CLOCK: variants seen among roughly 807,000 people sequenced by gnomAD.
CLOCK encodes the protein clock circadian regulator.
In CLOCK, 43 loss-of-function variants were observed where a neutral mutation model predicts 118.4. That is an observed-to-expected ratio of 0.36 (90% CI 0.28 to 0.47). CLOCK has a LOEUF of 0.47. CLOCK is among the 20% of genes least tolerant of loss of function. The pLI, the probability that CLOCK is intolerant of heterozygous loss-of-function variation, is 1.00. For synonymous variants in CLOCK, 326 were observed against 339.2 expected, an observed-to-expected ratio of 0.96 and a Z score of 0.43; for missense variants, 846 against 999.9, an observed-to-expected ratio of 0.85 and a Z score of 2.08.
chr4:55,485,779 CT>C (rs1450512954), intron 3 of CLOCK, among the ~76,000 whole-genome samples: 2 of 152,110 alleles, frequency 1.3e-5, no homozygotes, highest in Admixed American at 6.5e-5. Context: ...AGGATAAATG[CT>C]TGAGGGGATG....
At chr4:55,542,352 A>C (rs1731321508) in intron 1 of CLOCK, among the ~76,000 whole-genome samples, 1 of 101,154 alleles carries the variant, frequency 9.9e-6, no homozygotes. Context: ...TCAAATAATA[A>C]TAATAATAAT....
intron 15 of CLOCK, chr4:55,452,684 G>A (rs908388193): frequency 3.6e-5 from 7 of 196,510 alleles, no homozygotes; most frequent in African/African-American, 1.2e-4. Flanking sequence ...CTTTAGGGAA[G>A]ATTTTTTTTT....
chr4:55,495,898 CA>C (rs68044493), intron 2 of CLOCK, among the ~76,000 whole-genome samples: 51,304 of 151,744 alleles, frequency 0.34, 9,367 homozygotes, highest in East Asian at 0.58. Flanking sequence ...TTTAAAAAAA[CA>C]AAAAAACTGC....
intron 8 of CLOCK, among the ~76,000 whole-genome samples, chr4:55,465,522 A>G (rs1725676635): frequency 6.6e-6 from 1 of 152,232 alleles, no homozygotes; most frequent in Non-Finnish European, 1.5e-5. Context: ...AACAGTTATT[A>G]GTAAAATAAA....
In CLOCK at chr4:55,442,588, G is replaced by C. The variant is rs773727395; in HGVS notation, c.1949C>G (p.Pro650Arg). Residue 650 changes from proline (P) to arginine (R), a missense_variant, in exon 21 of 23, where the codon CCC becomes CGC. Around this residue, in one of 4 missense-constraint regions of CLOCK, gnomAD observed 520 missense variants for 558.0 expected, o/e 0.93. Coordinates refer to ENST00000513440, the MANE Select transcript of CLOCK (RefSeq NM_004898.4). ...TGTAAGAGTGCTCTGTGTCTGACTG[G>C]GTAGAGATGTTTGCTGACTGTGCCC... is the stretch of plus-strand genomic sequence containing the variant. ...LSGHSQQTSL[P>R]SQTQSTLTAP... The C allele has an allele frequency of 1.2e-6, 2 of 1,612,318 alleles. No individual in the cohort carries two copies. The highest frequency in any genetic ancestry group is 1.7e-6 in the Non-Finnish European group (2 of 1,179,734).
At chr4:55,533,225 C>T (rs1730669305) in intron 1 of CLOCK, among the ~76,000 whole-genome samples, 1 of 152,086 alleles carries the variant, frequency 6.6e-6, no homozygotes, top group South Asian at 2.1e-4. Context: ...TATTTCAAAA[C>T]ACACTACAAA....
intron 18 of CLOCK, among the ~76,000 whole-genome samples, chr4:55,447,478 T>C (rs1391381605): frequency 6.6e-6 from 1 of 152,242 alleles, no homozygotes; most frequent in Non-Finnish European, 1.5e-5. Context: ...CTTAAAGGAT[T>C]TCTATCAAGT....
intron 4 of CLOCK, among the ~76,000 whole-genome samples, chr4:55,481,294 G>A (rs1478445523): frequency 1.3e-5 from 2 of 152,100 alleles, no homozygotes; most frequent in African/African-American, 4.8e-5. Flanking sequence ...ATTGTTATAT[G>A]TATATGAATT....
chr4:55,492,309 CAATT>C (rs1431016451), intron 2 of CLOCK, among the ~76,000 whole-genome samples: 2 of 144,126 alleles, frequency 1.4e-5, no homozygotes, highest in East Asian at 2.2e-4. Flanking sequence ...TGAGGGATCT[CAATT>C]GATGCAGAAA....
At chr4:55,467,827 T>C (rs1157801886) in intron 8 of CLOCK, among the ~76,000 whole-genome samples, 3 of 152,204 alleles carry the variant, frequency 2.0e-5, no homozygotes, top group Non-Finnish European at 2.9e-5. Flanking sequence ...TGTTTTTAAA[T>C]GTTGGGCTTA....
chr4:55,467,739 G>A (rs927878420), intron 8 of CLOCK, among the ~76,000 whole-genome samples: 1 of 152,140 alleles, frequency 6.6e-6, no homozygotes, highest in East Asian at 1.9e-4. Flanking sequence ...AGAAAACTCA[G>A]TTAATCAGTC....
chr4:55,506,469 T>TCC (rs1343694637), intron 2 of CLOCK, among the ~76,000 whole-genome samples: 4 of 152,296 alleles, frequency 2.6e-5, no homozygotes, highest in African/African-American at 7.2e-5. Flanking sequence ...AGGTTCAGTG[T>TCC]AAGAGCTGCG....
intron 1 of CLOCK, among the ~76,000 whole-genome samples, chr4:55,527,075 C>A (rs1364629975): frequency 6.7e-6 from 1 of 149,842 alleles, no homozygotes; most frequent in Non-Finnish European, 1.5e-5. Flanking sequence ...AAAATGACAT[C>A]AAAAGGAATA....
chr4:55,473,755 G>A (rs1321802956), intron 7 of CLOCK, among the ~76,000 whole-genome samples: 1 of 152,018 alleles, frequency 6.6e-6, no homozygotes, highest in East Asian at 1.9e-4. Flanking sequence ...TTCACTTTGT[G>A]TCTCTTGTGT....
chr4:55,442,321 G>C, intron 21 of CLOCK, 111 bp downstream of exon 21: 1 of 874,860 alleles, frequency 1.1e-6, no homozygotes, highest in South Asian at 1.5e-5. Flanking sequence ...ATTGGCTGCA[G>C]TGAGCATCTC....
chr4:55,434,288 A>C lies in CLOCK; in HGVS notation c.*1127T>G, dbSNP rs1169883809. ...CATTGAAATTGTGAAGGATAATAAA[A>C]AAGATTTCAACAAATCCCAAAAGTT... On this transcript the variant is annotated 3_prime_UTR_variant, in exon 23 of 23. Transcript: ENST00000513440. 2.0e-5 allele frequency: 3 copies of C among 152,666 alleles called. No homozygotes were observed. Among genetic ancestry groups the C allele is most frequent in the African/African-American group, 7.2e-5 (3 of 41,452 alleles). 9.5% of individuals were successfully genotyped at this position (152,666 alleles called of 1,614,324 possible).
In CLOCK at chr4:55,442,669, A is replaced by G. The variant is rs779202003; in HGVS notation, c.1903-35T>C. ...ATAAAGAGATTTTATAGACAGATTA[A>G]CTGAAAATAATTATTTGGGAAGTAT... On this transcript the variant is annotated intron_variant, in intron 20 of 22. Coordinates refer to ENST00000513440, the MANE Select transcript of CLOCK (RefSeq NM_004898.4). 1.8e-5 allele frequency: 28 copies of G among 1,536,310 alleles called. No homozygotes were observed. In the South Asian group the frequency reaches 2.8e-4, roughly 15 times the overall value.
intron 2 of CLOCK, among the ~76,000 whole-genome samples, chr4:55,503,977 G>GTT (rs1553900255): frequency 2.4e-4 from 6 of 25,132 alleles, no homozygotes; most frequent in African/African-American, 5.7e-4. Flanking sequence ...GCAAAAAGAG[G>GTT]TAAAAAAAAA....
intron 2 of CLOCK, among the ~76,000 whole-genome samples, chr4:55,494,079 C>T (rs1727895113): frequency 6.6e-6 from 1 of 152,112 alleles, no homozygotes; most frequent in Admixed American, 6.5e-5. Flanking sequence ...ATAGGAGCAC[C>T]TTATCCCCTT....
Sources: allele counts gnomAD v4.1 joint callset (sites outside exome capture counted in the v4.1 genomes callset), GRCh38; gene constraint gnomAD v4.1.1; regional missense constraint gnomAD v4.1.1; transcripts MANE v1.5; gene names NCBI Gene and HGNC (gene_info 2026-07-23, HGNC 2026-07-21).